Variants in WWOX observed in about 807,000 individuals in gnomAD.
WWOX encodes WW domain-containing oxidoreductase.
WWOX carries 69 observed loss-of-function variants against 46.2 expected under a neutral mutation model. The observed-to-expected ratio is 1.49, with a 90% CI of 1.23 to 1.82. WWOX has a LOEUF of 1.82. Ranked by LOEUF, WWOX falls within the 40% of genes most tolerant of loss-of-function variation. The pLI is 0.00. For synonymous variants in WWOX, 359 were observed against 202.6 expected (o/e 1.77, Z -6.56); for missense variants, 919 against 542.6 (o/e 1.69, Z -6.89).
At chr16:78,476,514 G>A (rs1461643007) in intron 8 of WWOX, among the ~76,000 whole-genome samples, 2 of 152,068 alleles carry the variant, frequency 1.3e-5, no homozygotes, top group African/African-American at 4.8e-5. Flanking sequence ...TAAATGACGA[G>A]TTAATGGGTG....
rs146155611 is a variant in WWOX, at chr16:78,538,652, A to T, written c.1056+105900A>T. On this transcript the variant is annotated intron_variant, in intron 8 of 8. Transcript: ENST00000566780. ...AAAGACTTTGTGTTTCCTATGTTTG[A>T]CATCGAGATAGAATTTTTCATAACC... Among the ~76,000 whole-genome samples, 188 of 152,324 alleles carry T rather than the reference A, an allele frequency of 1.2e-3. 7 individuals carry two copies. The East Asian group carries it at 0.031, about 25-fold the overall frequency.
intron 8 of WWOX, among the ~76,000 whole-genome samples, chr16:78,731,845 C>CT (rs200790501): frequency 0.039 from 4,972 of 129,062 alleles, 133 homozygotes; most frequent in Middle Eastern, 0.066. Flanking sequence ...TTTTCTTTCT[C>CT]TTTTTTTTTT....
At chr16:78,776,781 C>T (rs1468805398) in intron 8 of WWOX, among the ~76,000 whole-genome samples, 2 of 151,990 alleles carry the variant, frequency 1.3e-5, no homozygotes, top group African/African-American at 4.8e-5. Flanking sequence ...GCAAGAGGGG[C>T]AGGGAGGGAG....
chr16:78,441,581 A>G (rs934748220), intron 8 of WWOX, among the ~76,000 whole-genome samples: 3 of 152,096 alleles, frequency 2.0e-5, no homozygotes, highest in Admixed American at 1.3e-4. Flanking sequence ...AAGGAGAGAG[A>G]GGTGAGGCAC....
chr16:78,858,376 A>C (rs1405070778), intron 8 of WWOX, among the ~76,000 whole-genome samples: 1 of 151,992 alleles, frequency 6.6e-6, no homozygotes, highest in Non-Finnish European at 1.5e-5. Flanking sequence ...GTATGTATAT[A>C]TATGTATGTA....
At chr16:79,102,368 A>G (rs2049218709) in intron 8 of WWOX, among the ~76,000 whole-genome samples, 1 of 152,176 alleles carries the variant, frequency 6.6e-6, no homozygotes. Context: ...TCTGCATGCA[A>G]CATCTCCTTC....
At chr16:78,315,459 G>A (rs548284600) in intron 5 of WWOX, among the ~76,000 whole-genome samples, 14 of 152,118 alleles carry the variant, frequency 9.2e-5, no homozygotes, top group Non-Finnish European at 1.8e-4. Context: ...GACCAGCCCG[G>A]CCAACATGGT....
intron 8 of WWOX, among the ~76,000 whole-genome samples, chr16:78,800,158 A>G (rs908007769): frequency 3.1e-4 from 47 of 152,186 alleles, no homozygotes; most frequent in African/African-American, 1.1e-3. Flanking sequence ...CTTCAATGCA[A>G]TTATAAAAAT....
chr16:78,902,576 T>C (rs1020747471), intron 8 of WWOX, among the ~76,000 whole-genome samples: 1 of 152,170 alleles, frequency 6.6e-6, no homozygotes, highest in Non-Finnish European at 1.5e-5. Context: ...TATGCCCGAG[T>C]AGAAAATCTG....
chr16:78,389,088 C>T (rs1025755012), intron 6 of WWOX, among the ~76,000 whole-genome samples: 4 of 152,212 alleles, frequency 2.6e-5, no homozygotes, highest in Admixed American at 1.3e-4. Flanking sequence ...AGCGCAGACC[C>T]CAAGCTGGCT....
At chr16:78,441,369 G>C (rs1432560296) in intron 8 of WWOX, among the ~76,000 whole-genome samples, 10 of 152,214 alleles carry the variant, frequency 6.6e-5, no homozygotes, top group Non-Finnish European at 2.9e-5. Context: ...GAATCAGTGA[G>C]AGTCCTTAAT....
intron 8 of WWOX, among the ~76,000 whole-genome samples, chr16:78,803,272 C>T (rs1012343824): frequency 1.3e-5 from 2 of 151,410 alleles, no homozygotes; most frequent in East Asian, 1.9e-4. Context: ...CAAACCACCA[C>T]GTGCTCTTGT....
In WWOX at chr16:78,261,282, G is replaced by T. The variant is rs7189041; in HGVS notation, c.516+96993G>T. On this transcript the variant is annotated intron_variant, in intron 5 of 8. Coordinates refer to ENST00000566780, the MANE Select transcript of WWOX (RefSeq NM_016373.4). ...GGTAAGGTAGATAGATAGATAGATA[G>T]ATACATACATACATACATACATACA... is the stretch of plus-strand genomic sequence containing the variant. Among the ~76,000 whole-genome samples, 5 of 139,972 alleles carry T rather than the reference G, an allele frequency of 3.6e-5. No individual in the cohort carries two copies. The East Asian group carries it at 8.2e-4, about 23-fold the overall frequency. 91.8% of individuals were successfully genotyped at this position (139,972 alleles called of 152,430 possible).
At chr16:78,563,387 G>A (rs964923701) in intron 8 of WWOX, among the ~76,000 whole-genome samples, 3 of 151,732 alleles carry the variant, frequency 2.0e-5, no homozygotes, top group Middle Eastern at 6.3e-3. Context: ...GGTGGTTCAG[G>A]AACAGAACTG....
In WWOX at chr16:78,491,296, T is replaced by C. The variant is rs576471694; in HGVS notation, c.1056+58544T>C. Among the ~76,000 whole-genome samples, 652 of 152,314 alleles carry C rather than the reference T, an allele frequency of 4.3e-3. 1 individual carries two copies. The highest frequency in any genetic ancestry group is 0.014 in the Middle Eastern group (4 of 294). On this transcript the variant is annotated intron_variant, in intron 8 of 8. Coordinates refer to ENST00000566780, the MANE Select transcript of WWOX (RefSeq NM_016373.4). ...TCGTGACTGTCTGGTTACAAGGTCATCTTTTCCCCTGGATGAGACGCCCCT... is the reference window on the plus strand; with the variant it reads ...TCGTGACTGTCTGGTTACAAGGTCACCTTTTCCCCTGGATGAGACGCCCCT...
At chr16:79,093,928 G>T (rs116598964) in intron 8 of WWOX, among the ~76,000 whole-genome samples, 1 of 152,142 alleles carries the variant, frequency 6.6e-6, no homozygotes, top group Non-Finnish European at 1.5e-5. Flanking sequence ...GAGAGAAAGG[G>T]GAGGAAGCCC....
At chr16:78,369,933 G>T (rs1001810955) in intron 5 of WWOX, among the ~76,000 whole-genome samples, 2 of 151,890 alleles carry the variant, frequency 1.3e-5, no homozygotes, top group Non-Finnish European at 2.9e-5. Context: ...AGGAGTTTGA[G>T]ACCAGCCTGG....
At chr16:78,941,525 T>C (rs781525606) in intron 8 of WWOX, among the ~76,000 whole-genome samples, 4 of 151,962 alleles carry the variant, frequency 2.6e-5, no homozygotes, top group Non-Finnish European at 5.9e-5. Context: ...ATAGTAGTCC[T>C]GTATGAAGCT....
intron 8 of WWOX, among the ~76,000 whole-genome samples, chr16:78,934,198 C>G (rs1281178025): frequency 1.3e-5 from 2 of 151,694 alleles, no homozygotes; most frequent in South Asian, 2.1e-4. Flanking sequence ...ATTAGCCTGA[C>G]ATGGTGGCAC....
Sources: allele counts gnomAD v4.1 joint callset (sites outside exome capture counted in the v4.1 genomes callset), GRCh38; gene constraint gnomAD v4.1.1; transcripts MANE v1.5; gene names NCBI Gene and HGNC (gene_info 2026-07-23, HGNC 2026-07-21).